The following USPL1 variants were observed in gnomAD, a reference collection of about 807,000 sequenced individuals.
USPL1 encodes the protein SUMO-specific isopeptidase USPL1.
A neutral mutation model predicts 51.5 loss-of-function variants in USPL1; 27 were observed. That is an observed-to-expected ratio of 0.52 (90% confidence interval 0.39 to 0.72). The LOEUF (loss-of-function observed/expected upper bound fraction) is 0.72. USPL1 is among the 30% of genes least tolerant of loss of function. The pLI, the probability that USPL1 is intolerant of heterozygous loss-of-function variation, is 0.00. For synonymous variants in USPL1, 451 were observed against 459.6 expected (o/e 0.98, Z 0.24); for missense variants, 1,226 against 1,268.0 (o/e 0.97, Z 0.50).
At chr13:30,644,716 G>A (rs1950994986) in intron 6 of USPL1, among the ~76,000 whole-genome samples, 1 of 152,134 alleles carries the variant, frequency 6.6e-6, no homozygotes, top group South Asian at 2.1e-4. Context: ...ATACATAATG[G>A]CTGCTCTGCA....
intron 6 of USPL1, among the ~76,000 whole-genome samples, chr13:30,643,605 C>G (rs939682683): frequency 6.1e-5 from 8 of 130,306 alleles, no homozygotes; most frequent in African/African-American, 2.6e-4. Context: ...TTTCCACCCC[C>G]CCCCGCCCTT....
At chr13:30,641,271 T>A (rs1950943884) in intron 5 of USPL1, among the ~76,000 whole-genome samples, 1 of 152,254 alleles carries the variant, frequency 6.6e-6, no homozygotes, top group African/African-American at 2.4e-5. Flanking sequence ...ACACCTACTG[T>A]CTACCTTGTG....
chr13:30,646,871 T>C (rs1376071004), intron 6 of USPL1, 61 bp from the exon 7 acceptor site: 2 of 1,536,044 alleles, frequency 1.3e-6, no homozygotes, highest in African/African-American at 2.8e-5. Flanking sequence ...TTTTAGACAT[T>C]GGTTTAAATT....
chr13:30,642,884 C>T (rs912358122), intron 6 of USPL1, 127 bp downstream of exon 6: 12 of 1,100,222 alleles, frequency 1.1e-5, no homozygotes, highest in African/African-American at 4.7e-5. Flanking sequence ...AAAACCTCAT[C>T]GTTTGATAGA....
intron 3 of USPL1, among the ~76,000 whole-genome samples, chr13:30,622,822 C>A (rs1271838363): frequency 6.6e-6 from 1 of 150,568 alleles, no homozygotes; most frequent in South Asian, 2.1e-4. Flanking sequence ...TTAATAGATA[C>A]TTATGCTGGG....
chr13:30,644,279 G>A (rs75263714), intron 6 of USPL1, among the ~76,000 whole-genome samples: 1,774 of 151,838 alleles, frequency 0.012, 22 homozygotes, highest in East Asian at 0.05. Flanking sequence ...ATGACACTCC[G>A]TCTCAAAAAA....
intron 1 of USPL1, among the ~76,000 whole-genome samples, chr13:30,620,446 C>G (rs1194182196): frequency 7.9e-5 from 12 of 152,130 alleles, no homozygotes; most frequent in Non-Finnish European, 1.6e-4. Flanking sequence ...GGACTGCACT[C>G]AAAACAAGCT....
chr13:30,628,504 C>T (rs957079061), intron 3 of USPL1, among the ~76,000 whole-genome samples: 27 of 152,160 alleles, frequency 1.8e-4, no homozygotes, highest in African/African-American at 5.3e-4. Context: ...CTGTCATCTA[C>T]GTTAGGTATT....
chr13:30,627,704 A>C (rs748335223), intron 3 of USPL1, among the ~76,000 whole-genome samples: 22 of 152,006 alleles, frequency 1.4e-4, no homozygotes, highest in Admixed American at 7.9e-4. Flanking sequence ...ATTGTAAAAA[A>C]ATTCATCAAC....
intron 4 of USPL1, among the ~76,000 whole-genome samples, chr13:30,636,396 T>C (rs577107129): frequency 1.3e-3 from 205 of 152,326 alleles, no homozygotes; most frequent in African/African-American, 4.8e-3. Flanking sequence ...GGTTAATGCT[T>C]ATTTCATATT....
chr13:30,625,535 T>C (rs2137615134), intron 3 of USPL1, among the ~76,000 whole-genome samples: 1 of 143,380 alleles, frequency 7.0e-6, no homozygotes, highest in Non-Finnish European at 1.5e-5. Context: ...AACCTCCGAC[T>C]CCCTGGTTCA....
At chr13:30,645,627 C>T (rs1280503594) in intron 6 of USPL1, among the ~76,000 whole-genome samples, 1 of 152,230 alleles carries the variant, frequency 6.6e-6, no homozygotes, top group Non-Finnish European at 1.5e-5. Flanking sequence ...CTTATTTCCA[C>T]TTAATCTGAA....
Position 30,631,184 on chromosome 13 carries a change from T to C in USPL1, c.578T>C (p.Val193Ala), listed in dbSNP as rs773551169. ...ACAAAAGATCCTGCTACAGTTGATG[T>C]CTCTGGAACTGGCAGACCTTCCCCT... is the stretch of plus-strand genomic sequence containing the variant. Reference protein sequence around the residue: ...ATTKDPATVDVSGTGRPSPQN... With the variant: ...ATTKDPATVDASGTGRPSPQN... Residue 193 changes from valine to alanine, a missense_variant, in exon 4 of 9, where the codon GTC becomes GCC. Transcript: ENST00000255304. 6.2e-7 allele frequency: 1 copy of C among 1,614,174 alleles called. No individual in the cohort carries two copies. Among genetic ancestry groups the C allele is most frequent in the Non-Finnish European group, 8.5e-7 (1 of 1,180,026 alleles).
intron 7 of USPL1, among the ~76,000 whole-genome samples, chr13:30,651,118 G>T (rs1459565287): frequency 1.3e-5 from 2 of 152,084 alleles, no homozygotes; most frequent in African/African-American, 2.4e-5. Flanking sequence ...TCTCTGTTCT[G>T]CATCGTTTCA....
chr13:30,640,750 C>T (rs1950936696), intron 5 of USPL1, among the ~76,000 whole-genome samples: 1 of 152,078 alleles, frequency 6.6e-6, no homozygotes, highest in South Asian at 2.1e-4. Flanking sequence ...TGAGACTATC[C>T]CGCAAAGGTG....
Position 30,647,344 on chromosome 13 carries a change from C to T in USPL1, c.1238+287C>T, listed in dbSNP as rs1460689191. On this transcript the variant is annotated intron_variant, in intron 7 of 8. Transcript: ENST00000255304. ...AAGGATATCAAGCTTCAGTTTTTCTCTCCTCTGCCAAGTGTATGGAGTTTC... is the reference window on the plus strand; with the variant it reads ...AAGGATATCAAGCTTCAGTTTTTCTTTCCTCTGCCAAGTGTATGGAGTTTC... 3.9e-5 allele frequency among the ~76,000 whole-genome samples: 6 copies of T among 152,082 alleles called. No individual in the cohort carries two copies. In the East Asian group the frequency reaches 7.7e-4, roughly 20 times the overall value.
rs989418308 is a variant in USPL1 at position 30,658,337 on chromosome 13, C to A, written c.2260C>A (p.Pro754Thr). 6 of 1,613,842 alleles carry A rather than the reference C, an allele frequency of 3.7e-6. No individual in the cohort carries two copies. Among genetic ancestry groups the A allele is most frequent in the Admixed American group, 1.7e-5 (1 of 60,004 alleles). Residue 754 changes from proline to threonine, a missense_variant, in exon 9 of 9, where the codon CCA becomes ACA. Transcript: ENST00000255304. Reference protein sequence around the residue: ...NQSLKENQKKPFVGSWVKGLI... With the variant: ...NQSLKENQKKTFVGSWVKGLI... ...GTCTCTGAAAGAAAATCAGAAGAAG[C>A]CATTTGTGGGAAGTTGGGTTAAAGG...
intron 3 of USPL1, 24 bp downstream of exon 3, chr13:30,621,916 A>AC: frequency 8.2e-6 from 11 of 1,348,508 alleles, no homozygotes; most frequent in Non-Finnish European, 9.7e-6. Flanking sequence ...CTTATATAGT[A>AC]TATATAAGAT....
rs757702984 is a variant in USPL1 at position 30,637,750 on chromosome 13, A to G, written c.875A>G (p.Asp292Gly). 3.7e-6 allele frequency: 6 copies of G among 1,608,720 alleles called. No homozygotes were observed. The South Asian group carries it at 4.4e-5, about 12-fold the overall frequency. The part of the protein sequence containing the change: ...TSQLSGVKDG[D>G]CKKLTSEIFA... ...GTTCTCTGTATTTTCTTAGATGGAG[A>G]TTGTAAAAAACTTACCTCAGAAATA... Residue 292 changes from aspartate to glycine, a missense_variant, in exon 5 of 9, where the codon GAT becomes GGT. Asp to Gly is a moderately conservative substitution (Grantham distance 94). Coordinates refer to ENST00000255304, the MANE Select transcript of USPL1 (RefSeq NM_005800.5).
Sources: allele counts gnomAD v4.1 joint callset (sites outside exome capture counted in the v4.1 genomes callset), GRCh38; gene constraint gnomAD v4.1.1; transcripts MANE v1.5; gene names NCBI Gene and HGNC (gene_info 2026-07-23, HGNC 2026-07-21).